Variants in NPAS3 observed in about 807,000 individuals in gnomAD.
The protein encoded by NPAS3 is neuronal PAS domain-containing protein 3.
A neutral mutation model predicts 73.1 loss-of-function variants in NPAS3; 14 were observed. The observed-to-expected ratio is 0.19, with a 90% confidence interval of 0.13 to 0.30. The LOEUF (loss-of-function observed/expected upper bound fraction) is 0.30, where lower values mean the gene tolerates loss of function less well. NPAS3 is among the 10% of genes least tolerant of loss of function. NPAS3 has a pLI of 1.00. For synonymous variants in NPAS3, 620 were observed against 541.5 expected, an observed-to-expected ratio of 1.14 and a Z score of -2.01; for missense variants, 1,096 against 1,250.0, an observed-to-expected ratio of 0.88 and a Z score of 1.86.
chr14:33,644,146 C>T (rs1004197398), intron 5 of NPAS3, among the ~76,000 whole-genome samples: 8 of 152,152 alleles, frequency 5.3e-5, no homozygotes, highest in Non-Finnish European at 1.2e-4. Flanking sequence ...AAAAATTATA[C>T]ATGAGTTCAT....
At chr14:33,012,741 A>T (rs1046846111) in intron 1 of NPAS3, among the ~76,000 whole-genome samples, 1 of 151,918 alleles carries the variant, frequency 6.6e-6, no homozygotes, top group Non-Finnish European at 1.5e-5. Flanking sequence ...GTAGAGACGG[A>T]GTTTCACTGT....
chr14:33,575,696 T>C (rs904055633), intron 5 of NPAS3, among the ~76,000 whole-genome samples: 8 of 152,260 alleles, frequency 5.3e-5, no homozygotes, highest in Non-Finnish European at 1.2e-4. Context: ...TAAATGCCTT[T>C]GGGCTTTTAA....
intron 5 of NPAS3, among the ~76,000 whole-genome samples, chr14:33,617,117 G>T (rs1941229534): frequency 6.6e-6 from 1 of 152,200 alleles, no homozygotes; most frequent in Non-Finnish European, 1.5e-5. Flanking sequence ...AGGCACCTTA[G>T]AAGTTTGAGC....
intron 5 of NPAS3, among the ~76,000 whole-genome samples, chr14:33,574,256 A>G (rs1663248469): frequency 6.6e-6 from 1 of 152,160 alleles, no homozygotes; most frequent in African/African-American, 2.4e-5. Flanking sequence ...AGAAGGCAGC[A>G]TATACGATAC....
At chr14:33,791,429 C>A (rs1958058) in intron 9 of NPAS3, among the ~76,000 whole-genome samples, 29 of 151,902 alleles carry the variant, frequency 1.9e-4, no homozygotes, top group African/African-American at 7.0e-4. Flanking sequence ...CCCTAACAAA[C>A]GAGTGCTGGA....
intron 4 of NPAS3, among the ~76,000 whole-genome samples, chr14:33,382,860 G>A (rs1199446913): frequency 1.3e-5 from 2 of 152,082 alleles, no homozygotes; most frequent in African/African-American, 2.4e-5. Context: ...TGGGAGACAG[G>A]TGGGAAGATT....
chr14:33,635,510 G>A (rs1219283897), intron 5 of NPAS3, among the ~76,000 whole-genome samples: 3 of 152,202 alleles, frequency 2.0e-5, no homozygotes, highest in Non-Finnish European at 4.4e-5. Context: ...GGAAGGAGTA[G>A]AGGCTGCAGA....
chr14:33,467,519 C>G (rs1047122877), intron 4 of NPAS3, among the ~76,000 whole-genome samples: 1 of 152,130 alleles, frequency 6.6e-6, no homozygotes, highest in Non-Finnish European at 1.5e-5. Flanking sequence ...ACATGAAGTT[C>G]TAAAAGTCAG....
chr14:32,974,621 C>G (rs17525673), intron 1 of NPAS3, among the ~76,000 whole-genome samples: 17,730 of 152,082 alleles, frequency 0.12, 1,066 homozygotes, highest in South Asian at 0.16. Context: ...CAAACAAAGA[C>G]AGAGCTAATG....
chr14:33,223,188 G>A (rs1168415117), intron 3 of NPAS3, among the ~76,000 whole-genome samples: 2 of 152,198 alleles, frequency 1.3e-5, no homozygotes, highest in African/African-American at 4.8e-5. Flanking sequence ...GCAAGTGCCT[G>A]TAATCCCAGC....
At chr14:33,557,661 C>T (rs958197942) in intron 4 of NPAS3, among the ~76,000 whole-genome samples, 2 of 152,206 alleles carry the variant, frequency 1.3e-5, no homozygotes, top group African/African-American at 4.8e-5. Context: ...TCCTCAATTT[C>T]CTTGTATATA....
intron 1 of NPAS3, among the ~76,000 whole-genome samples, chr14:33,027,761 C>G (rs989041639): frequency 1.3e-5 from 2 of 152,058 alleles, no homozygotes; most frequent in Non-Finnish European, 2.9e-5. Context: ...TTACAAGGGG[C>G]AGTAGATCTC....
intron 1 of NPAS3, among the ~76,000 whole-genome samples, chr14:32,965,629 TTCTC>T (rs2037120282): frequency 6.6e-6 from 1 of 152,166 alleles, no homozygotes; most frequent in Admixed American, 6.5e-5. Context: ...ATTGAAACCT[TTCTC>T]TCTAAAAATC....
At chr14:33,475,259 T>G (rs2050969364) in intron 4 of NPAS3, among the ~76,000 whole-genome samples, 1 of 152,152 alleles carries the variant, frequency 6.6e-6, no homozygotes. Flanking sequence ...ATCACGAAAG[T>G]TTTAAGAATA....
chr14:33,121,917 T>C (rs529327695), intron 2 of NPAS3, among the ~76,000 whole-genome samples: 41 of 152,270 alleles, frequency 2.7e-4, no homozygotes, highest in Admixed American at 5.2e-4. Context: ...GATACTCAGA[T>C]GACAGAAGTT....
intron 3 of NPAS3, among the ~76,000 whole-genome samples, chr14:33,285,217 G>A (rs962098437): frequency 2.6e-5 from 4 of 152,062 alleles, no homozygotes; most frequent in Non-Finnish European, 4.4e-5. Flanking sequence ...CACATGAATG[G>A]GAGTCAGAGC....
intron 6 of NPAS3, among the ~76,000 whole-genome samples, chr14:33,717,946 G>A (rs987729297): frequency 6.6e-6 from 1 of 151,814 alleles, no homozygotes; most frequent in African/African-American, 2.4e-5. Context: ...ACCCAGCTTT[G>A]AGGTTTAAAA....
intron 7 of NPAS3, among the ~76,000 whole-genome samples, chr14:33,763,538 G>A (rs1031496341): frequency 3.3e-5 from 5 of 152,146 alleles, no homozygotes; most frequent in African/African-American, 1.2e-4. Context: ...AGGAAGGGGT[G>A]GCCTCAGATG....
chr14:33,186,099 C>A (rs2045964997), intron 2 of NPAS3, among the ~76,000 whole-genome samples: 1 of 152,006 alleles, frequency 6.6e-6, no homozygotes, highest in South Asian at 2.1e-4. Flanking sequence ...CAAGTAGACT[C>A]CCCCCCACCC....
Sources: gnomAD v4.1 joint callset for allele counts (sites outside exome capture counted in the v4.1 genomes callset) on GRCh38, gnomAD v4.1.1 for gene constraint, MANE v1.5 for transcripts, NCBI Gene and HGNC (gene_info 2026-07-23, HGNC 2026-07-21) for gene names.